Variants in HHLA1 observed in about 807,000 individuals in gnomAD.
HHLA1 encodes HERV-H LTR-associating protein 1.
In HHLA1, 72 loss-of-function variants were observed where a neutral mutation model predicts 69.9. The observed-to-expected ratio is 1.03, with a 90% CI of 0.85 to 1.25. The LOEUF (loss-of-function observed/expected upper bound fraction) is 1.25, where lower values mean the gene tolerates loss of function less well. Among genes scored for constraint, HHLA1 ranks in the 50% most tolerant of loss-of-function variants. The pLI is 0.00. For synonymous variants in HHLA1, 252 were observed against 233.2 expected (o/e 1.08, Z -0.73); for missense variants, 685 against 642.2 (o/e 1.07, Z -0.72).
chr8:132,097,531 C>G (rs1001865849), intron 5 of HHLA1, among the ~76,000 whole-genome samples: 1 of 152,156 alleles, frequency 6.6e-6, no homozygotes, highest in African/African-American at 2.4e-5. Flanking sequence ...TTGAGCTCCT[C>G]GAAGTTATGA....
intron 7 of HHLA1, among the ~76,000 whole-genome samples, chr8:132,090,404 A>C: frequency 6.6e-6 from 1 of 152,306 alleles, no homozygotes; most frequent in Non-Finnish European, 1.5e-5. Flanking sequence ...TCATTTTCTA[A>C]AGAGGAAGCT....
chr8:132,104,807 G>T (rs1044531935), intron 2 of HHLA1, among the ~76,000 whole-genome samples: 3 of 152,078 alleles, frequency 2.0e-5, no homozygotes, highest in Admixed American at 1.3e-4. Flanking sequence ...TGGGGCAGAG[G>T]GAGAGAAAAG....
chr8:132,081,128 T>G (rs796916607), intron 10 of HHLA1: 1 of 137,232 alleles, frequency 7.3e-6, no homozygotes, highest in East Asian at 2.1e-4. Flanking sequence ...ATAGCACCAG[T>G]AGATATCAGC....
Position 132,079,902 on chromosome 8 carries a change from T to C in HHLA1, c.741A>G (p.Pro247=). Residue 247 remains proline (P), a synonymous_variant, in exon 11 of 17, where the codon CCA becomes CCG. Coordinates refer to ENST00000414222, the MANE Select transcript of HHLA1 (RefSeq NM_001145095.3). ...KPTTKSQKTL[P]STSPGHWTQS... is the part of the protein sequence containing the mutation. Reference sequence around the variant, plus strand: ...GGGTCCAGTGTCCGGGGCTTGTACTTGGTAGTGTTTTCTGGCTTTTGGTTG... The same window carrying C: ...GGGTCCAGTGTCCGGGGCTTGTACTCGGTAGTGTTTTCTGGCTTTTGGTTG... 2 of 1,552,216 alleles carry C rather than the reference T, an allele frequency of 1.3e-6. No individual in the cohort carries two copies. The highest frequency in any genetic ancestry group is 1.7e-6 in the Non-Finnish European group (2 of 1,147,094).
At chr8:132,089,274 A>G (rs571202158) in intron 8 of HHLA1, among the ~76,000 whole-genome samples, 21 of 152,128 alleles carry the variant, frequency 1.4e-4, no homozygotes, top group Non-Finnish European at 2.8e-4. Flanking sequence ...CGTTCCTTAA[A>G]CTTTTGAGCT....
Position 132,079,836 on chromosome 8 carries a change from C to A in HHLA1, c.807G>T (p.Trp269Cys). The change falls in exon 11 of 17, where the codon TGG (tryptophan) becomes TGT (cysteine). Residue 269 changes from tryptophan to cysteine, a missense_variant. Coordinates refer to ENST00000414222, the MANE Select transcript of HHLA1 (RefSeq NM_001145095.3). ...PWASALRSSP[W>C]TETAAPSETE... Reference sequence around the variant, plus strand: ...TTTCTGAAGGAGCAGCTGTCTCTGTCCAGGGAGAGGATCTCAGAGCAGATG... The same window carrying A: ...TTTCTGAAGGAGCAGCTGTCTCTGTACAGGGAGAGGATCTCAGAGCAGATG... The A allele has an allele frequency of 2.6e-6, 4 of 1,551,782 alleles. No individual in the cohort carries two copies. In the South Asian group the frequency reaches 4.8e-5, roughly 18 times the overall value.
intron 5 of HHLA1, among the ~76,000 whole-genome samples, chr8:132,097,838 A>G (rs1417532062): frequency 6.6e-6 from 1 of 152,194 alleles, no homozygotes; most frequent in Non-Finnish European, 1.5e-5. Flanking sequence ...TTGATGGGTC[A>G]ATGTCTAAGT....
At chr8:132,075,095 C>T (rs1390402537) in intron 14 of HHLA1, among the ~76,000 whole-genome samples, 2 of 152,160 alleles carry the variant, frequency 1.3e-5, no homozygotes, top group Non-Finnish European at 2.9e-5. Flanking sequence ...TTTAGAACTC[C>T]TGGGAGAAAA....
rs776714149 is a variant in HHLA1 at position 132,087,656 on chromosome 8, G to T, written c.673C>A (p.Leu225Met). ...AGTTTGGGAGGTTGGTACTCACCCA[G>T]AACACCAGACAAGCCGCTGGTAAAT... Reference protein sequence around the residue: ...YTFTSGLSGVLGAATRGTART... With the variant: ...YTFTSGLSGVMGAATRGTART... The change falls in exon 10 of 17, where the codon CTG becomes ATG. Residue 225 changes from leucine to methionine, a missense_variant. Coordinates refer to ENST00000414222, the MANE Select transcript of HHLA1 (RefSeq NM_001145095.3). 10 of 1,549,254 alleles carry T rather than the reference G, an allele frequency of 6.5e-6. No individual in the cohort carries two copies. The South Asian group carries it at 1.1e-4, about 17-fold the overall frequency.
In HHLA1 at chr8:132,065,995, C is replaced by T. The variant is rs777333298; in HGVS notation, c.1470-27G>A. 2.8e-6 allele frequency: 3 copies of T among 1,063,520 alleles called. No individual in the cohort carries two copies. The South Asian group carries it at 3.9e-5, about 14-fold the overall frequency. 65.9% of individuals were successfully genotyped at this position (1,063,520 alleles called of 1,614,324 possible). On this transcript the variant is annotated intron_variant, in intron 15 of 16. Coordinates refer to ENST00000414222, the MANE Select transcript of HHLA1 (RefSeq NM_001145095.3). ...TAAAGATTTAAATCAGAGCAGGGAG[C>T]AATAACTATCCTGTGATGGCTATTA...
chr8:132,099,952 T>C, intron 4 of HHLA1, 123 bp downstream of exon 4: 1 of 684,498 alleles, frequency 1.5e-6, no homozygotes, highest in Admixed American at 2.6e-5. Context: ...TTTTACTTAA[T>C]GATCAGATAA....
chr8:132,072,203 AAAG>A (rs1318830327), intron 14 of HHLA1, among the ~76,000 whole-genome samples: 1 of 152,126 alleles, frequency 6.6e-6, no homozygotes, highest in Non-Finnish European at 1.5e-5. Context: ...GCCAAAGATA[AAAG>A]AAGGAGACAA....
intron 15 of HHLA1, among the ~76,000 whole-genome samples, chr8:132,068,893 A>T (rs1823484107): frequency 6.6e-6 from 1 of 152,218 alleles, no homozygotes; most frequent in African/African-American, 2.4e-5. Context: ...GGGAGATGAT[A>T]TGAAGAGAAT....
chr8:132,075,539 G>A (rs920183867), intron 14 of HHLA1, among the ~76,000 whole-genome samples: 1 of 152,196 alleles, frequency 6.6e-6, no homozygotes, highest in Non-Finnish European at 1.5e-5. Flanking sequence ...AACTGTGCAG[G>A]GATGGAAAGG....
intron 7 of HHLA1, among the ~76,000 whole-genome samples, chr8:132,094,135 T>G (rs949851270): frequency 6.6e-6 from 1 of 152,224 alleles, no homozygotes; most frequent in Non-Finnish European, 1.5e-5. Flanking sequence ...AATGCTTGCA[T>G]TCACTGGTTA....
At chr8:132,100,809 G>A (rs1338711231) in intron 3 of HHLA1, among the ~76,000 whole-genome samples, 1 of 152,196 alleles carries the variant, frequency 6.6e-6, no homozygotes, top group Non-Finnish European at 1.5e-5. Flanking sequence ...CTAGCCTGGT[G>A]TCAGGGGATG....
At position 132,063,377 on chromosome 8, in the gene HHLA1, G is replaced by A. The variant is rs1175865844; in HGVS notation, c.*618C>T. Reference sequence around the variant, plus strand: ...CACAGAAGAGGAATCAAGACAAGATGTCAATAAAAACAACTCTCTAAACCT... The same window carrying A: ...CACAGAAGAGGAATCAAGACAAGATATCAATAAAAACAACTCTCTAAACCT... On this transcript the variant is annotated 3_prime_UTR_variant, in exon 17 of 17. Transcript: ENST00000414222. 6.6e-6 allele frequency: 1 copy of A among 152,156 alleles called. No individual in the cohort carries two copies. The highest frequency in any genetic ancestry group is 2.4e-5 in the African/African-American group (1 of 41,420). The allele number at this position is 152,156 out of a possible 1,614,324, so 9.4% of individuals were successfully genotyped here.
Position 132,077,721 on chromosome 8 carries a change from C to T in HHLA1, c.1171+5G>A, listed in dbSNP as rs923630719. The T allele has an allele frequency of 2.6e-5, 41 of 1,551,180 alleles. No individual in the cohort carries two copies. Among genetic ancestry groups the T allele is most frequent in the Non-Finnish European group, 3.3e-5 (38 of 1,146,674 alleles). The stretch of plus-strand genomic sequence containing the variant: ...GGAGAGGTAGAAGTGAGCACCCTCT[C>T]TTACCCAAGGTAGGGCTGGCCTGGG... On this transcript the variant is annotated splice_donor_5th_base_variant and intron_variant, in intron 12 of 16. Transcript: ENST00000414222.
Position 132,079,966 on chromosome 8 carries a change from C to T in HHLA1, c.677G>A (p.Gly226Asp). 1.3e-6 allele frequency: 2 copies of T among 1,552,254 alleles called. No homozygotes were observed. Among genetic ancestry groups the T allele is most frequent in the African/African-American group, 1.4e-5 (1 of 73,118 alleles). The change falls in exon 11 of 17, where the codon GGT becomes GAT. Residue 226 changes from glycine to aspartate, a missense_variant and splice_region_variant. Coordinates refer to ENST00000414222, the MANE Select transcript of HHLA1 (RefSeq NM_001145095.3). ...TFTSGLSGVL[G>D]AATRGTARTS... ...CCTGGCAGTTCCCCTGGTAGCTGCA[C>T]CTTCAGGGAGGCAGTCAATGGTAAC...
Sources: gnomAD v4.1 joint callset for allele counts (sites outside exome capture counted in the v4.1 genomes callset) on GRCh38, gnomAD v4.1.1 for gene constraint, MANE v1.5 for transcripts, NCBI Gene and HGNC (gene_info 2026-07-23, HGNC 2026-07-21) for gene names.